The following CCDC3 variants were observed in gnomAD, a reference collection of about 807,000 sequenced individuals.
CCDC3 encodes the protein coiled-coil domain containing 3, also known as coiled-coil domain-containing protein 3.
CCDC3 carries 24 observed loss-of-function variants against 21.4 expected under a neutral mutation model. That is an observed-to-expected ratio of 1.12 (90% CI 0.81 to 1.58). The LOEUF (loss-of-function observed/expected upper bound fraction) is 1.58, where lower values mean the gene tolerates loss of function less well. Ranked by LOEUF, CCDC3 falls within the 40% of genes most tolerant of loss-of-function variation. The pLI, the probability that CCDC3 is intolerant of heterozygous loss-of-function variation, is 0.00. For synonymous variants in CCDC3, 186 were observed against 166.0 expected (o/e 1.12, Z -0.93); for missense variants, 425 against 360.9 (o/e 1.18, Z -1.44).
At chr10:13,010,317 A>G (rs1403759453) in intron 5 of CCDC3, among the ~76,000 whole-genome samples, 1 of 152,178 alleles carries the variant, frequency 6.6e-6, no homozygotes, top group African/African-American at 2.4e-5. Flanking sequence ...AATGGGCAGA[A>G]GATTTAAAAA....
chr10:13,086,688 C>T (rs185240850), intron 3 of CCDC3, among the ~76,000 whole-genome samples: 151 of 152,260 alleles, frequency 9.9e-4, no homozygotes, highest in African/African-American at 3.3e-3. Flanking sequence ...CCTCGTGACC[C>T]GCCTGCCTCA....
chr10:12,959,606 G>A (rs543858744), intron 2 of CCDC3, among the ~76,000 whole-genome samples: 2 of 152,284 alleles, frequency 1.3e-5, no homozygotes, highest in African/African-American at 2.4e-5. Flanking sequence ...GGAGCAGGGT[G>A]GGAAACCATA....
intron 4 of CCDC3, among the ~76,000 whole-genome samples, chr10:13,071,916 C>A (rs534424839): frequency 1.3e-5 from 2 of 152,204 alleles, no homozygotes; most frequent in South Asian, 4.2e-4. Flanking sequence ...TACTATGAGA[C>A]GCTCCCTTCA....
At chr10:12,987,626 G>A (rs547171817) in intron 2 of CCDC3, among the ~76,000 whole-genome samples, 3 of 152,200 alleles carry the variant, frequency 2.0e-5, no homozygotes, top group Admixed American at 6.5e-5. Context: ...GCAAATTTCT[G>A]CCTTAAAACT....
chr10:12,936,359 A>T (rs747419478), intron 2 of CCDC3, among the ~76,000 whole-genome samples: 95 of 151,604 alleles, frequency 6.3e-4, no homozygotes, highest in Non-Finnish European at 1.1e-3. Context: ...TCTTTCAAGA[A>T]TTTTTTTTCT....
chr10:12,984,407 A>T (rs914120407), intron 2 of CCDC3, among the ~76,000 whole-genome samples: 1 of 152,178 alleles, frequency 6.6e-6, no homozygotes, highest in African/African-American at 2.4e-5. Flanking sequence ...AGACAATAAC[A>T]ACTACTAGTG....
chr10:12,963,577 G>A (rs937319692), intron 2 of CCDC3, among the ~76,000 whole-genome samples: 12 of 109,986 alleles, frequency 1.1e-4, no homozygotes, highest in Admixed American at 4.1e-4. Context: ...TTTGTTTTCC[G>A]GGTTTTTTTT....
At chr10:13,039,766 G>A (rs1400240300) in intron 5 of CCDC3, among the ~76,000 whole-genome samples, 5 of 151,868 alleles carry the variant, frequency 3.3e-5, no homozygotes, top group Admixed American at 6.6e-5. Context: ...GCACAGCATC[G>A]TCAGCTGAAA....
At chr10:13,095,549 G>A (rs991080634) in intron 3 of CCDC3, among the ~76,000 whole-genome samples, 2 of 152,232 alleles carry the variant, frequency 1.3e-5, no homozygotes, top group Middle Eastern at 3.4e-3. Context: ...TAGGGTTCAC[G>A]CTCCTATGAA....
intron 5 of CCDC3, among the ~76,000 whole-genome samples, chr10:13,036,841 G>A (rs918999271): frequency 2.0e-5 from 3 of 150,914 alleles, no homozygotes; most frequent in Non-Finnish European, 4.4e-5. Flanking sequence ...GTCAAATGGT[G>A]TGATCACGGC....
At chr10:12,906,132 AAT>A (rs2131198503) in intron 2 of CCDC3, among the ~76,000 whole-genome samples, 1 of 152,306 alleles carries the variant, frequency 6.6e-6, no homozygotes, top group East Asian at 1.9e-4. Flanking sequence ...CGGTTTCCTG[AAT>A]GACTCGACAG....
At chr10:13,061,668 G>A (rs1836759518) in intron 4 of CCDC3, among the ~76,000 whole-genome samples, 1 of 152,172 alleles carries the variant, frequency 6.6e-6, no homozygotes, top group African/African-American at 2.4e-5. Flanking sequence ...AAAGGAATGG[G>A]GATGGGGGCT....
At chr10:12,936,233 G>C (rs1589013145) in intron 2 of CCDC3, among the ~76,000 whole-genome samples, 1 of 152,096 alleles carries the variant, frequency 6.6e-6, no homozygotes, top group Non-Finnish European at 1.5e-5. Context: ...CAGAATTGTA[G>C]GGTTGTTTTT....
intron 1 of CCDC3, among the ~76,000 whole-genome samples, chr10:13,000,021 A>C (rs1835822216): frequency 6.6e-6 from 1 of 152,346 alleles, no homozygotes; most frequent in East Asian, 1.9e-4. Flanking sequence ...TCTGGCTTCA[A>C]TATGGAAAAC....
chr10:12,933,683 C>A (rs1211172922), intron 2 of CCDC3, among the ~76,000 whole-genome samples: 1 of 152,086 alleles, frequency 6.6e-6, no homozygotes, highest in Non-Finnish European at 1.5e-5. Flanking sequence ...GTCTCACAGT[C>A]CCAGCCTCAA....
At chr10:12,948,231 C>CT (rs1335641256) in intron 2 of CCDC3, among the ~76,000 whole-genome samples, 2 of 152,272 alleles carry the variant, frequency 1.3e-5, no homozygotes, top group African/African-American at 4.8e-5. Context: ...GCTCTTCCTT[C>CT]GCCTTCCACC....
intron 5 of CCDC3, among the ~76,000 whole-genome samples, chr10:13,030,906 A>T (rs1230077924): frequency 6.6e-6 from 1 of 152,214 alleles, no homozygotes; most frequent in Non-Finnish European, 1.5e-5. Flanking sequence ...GGAGACTTTA[A>T]CACCCCACTG....
At chr10:13,006,142 C>T (rs1409000745), upstream of CCDC3, among the ~76,000 whole-genome samples, 3 of 152,140 alleles carry the variant, frequency 2.0e-5, no homozygotes, top group Non-Finnish European at 2.9e-5. Flanking sequence ...TTTTGTGGAA[C>T]GTCAAGACAA....
In CCDC3 at chr10:13,064,160, G is replaced by A. The variant is rs369186472; in HGVS notation, c.-270+9708C>T. The stretch of plus-strand genomic sequence containing the variant: ...AGGTTGGTCTCGATCTCCTGACCTC[G>A]TGATCCACCTGCCTCAGCCTCCGAA... On this transcript the variant is annotated intron_variant, in intron 4 of 6. Transcript: ENST00000378839. Among the ~76,000 whole-genome samples, 23 of 152,178 alleles carry A rather than the reference G, an allele frequency of 1.5e-4. No homozygotes were observed. The East Asian group carries it at 2.9e-3, about 19-fold the overall frequency.
Sources: gnomAD v4.1 joint callset for allele counts (sites outside exome capture counted in the v4.1 genomes callset) on GRCh38, gnomAD v4.1.1 for gene constraint, MANE v1.5 for transcripts, NCBI Gene and HGNC (gene_info 2026-07-23, HGNC 2026-07-21) for gene names.